KLHL1: variants seen among roughly 807,000 people sequenced by gnomAD.
KLHL1 encodes the protein kelch-like protein 1.
A neutral mutation model predicts 77.7 loss-of-function variants in KLHL1; 47 were observed. The observed-to-expected ratio is 0.60, with a 90% confidence interval of 0.48 to 0.77. The LOEUF is 0.77. Ranked by LOEUF, KLHL1 falls within the 30% of genes least tolerant of loss-of-function variation. The pLI is 0.00. For synonymous variants in KLHL1, 360 were observed against 325.2 expected, an observed-to-expected ratio of 1.11 and a Z score of -1.15; for missense variants, 925 against 910.8, an observed-to-expected ratio of 1.02 and a Z score of -0.20.
intron 1 of KLHL1, among the ~76,000 whole-genome samples, chr13:70,069,763 T>A (rs1887096704): frequency 6.6e-6 from 1 of 152,128 alleles, no homozygotes; most frequent in Non-Finnish European, 1.5e-5. Context: ...GTCGATTTAA[T>A]CTTCCAGACT....
chr13:69,765,871 C>T (rs1017736633), intron 7 of KLHL1, among the ~76,000 whole-genome samples: 3 of 152,176 alleles, frequency 2.0e-5, no homozygotes, highest in Non-Finnish European at 4.4e-5. Context: ...GGTTTTGCTC[C>T]ACAGAGGCTC....
chr13:69,794,552 GGAGA>G (rs1877018759), intron 7 of KLHL1, among the ~76,000 whole-genome samples: 2 of 146,038 alleles, frequency 1.4e-5, no homozygotes, highest in South Asian at 2.3e-4. Flanking sequence ...CAGAGAAAGA[GGAGA>G]GAGAGATTAA....
intron 5 of KLHL1, among the ~76,000 whole-genome samples, chr13:69,858,965 T>C (rs1479169945): frequency 6.6e-6 from 1 of 152,122 alleles, no homozygotes; most frequent in Non-Finnish European, 1.5e-5. Flanking sequence ...TCTATATCTA[T>C]CTTGATTCAC....
intron 4 of KLHL1, among the ~76,000 whole-genome samples, chr13:69,905,604 A>T (rs879793552): frequency 1.3e-5 from 2 of 152,066 alleles, no homozygotes; most frequent in Non-Finnish European, 2.9e-5. Flanking sequence ...ACTGCATAAG[A>T]TTTGATATGG....
intron 8 of KLHL1, among the ~76,000 whole-genome samples, chr13:69,725,245 ATT>A (rs1873244037): frequency 6.6e-6 from 1 of 152,206 alleles, no homozygotes; most frequent in Non-Finnish European, 1.5e-5. Flanking sequence ...ACCAGTAATT[ATT>A]GTTTGGAAAA....
At chr13:70,051,108 T>C (rs924663421) in intron 1 of KLHL1, among the ~76,000 whole-genome samples, 11 of 151,948 alleles carry the variant, frequency 7.2e-5, no homozygotes, top group African/African-American at 2.4e-4. Flanking sequence ...AAAATAGACG[T>C]GTGGGGTGCA....
Position 69,887,234 on chromosome 13 carries a change from A to T in KLHL1, c.1015-4739T>A, listed in dbSNP as rs1881253883. On this transcript the variant is annotated intron_variant, in intron 4 of 10. Coordinates refer to ENST00000377844, the MANE Select transcript of KLHL1 (RefSeq NM_020866.3). ...AGAAAAATTAATCTTTTGACTTCTG[A>T]GACAATGTTTTTCCTGTTATGTTAT... Among the ~76,000 whole-genome samples the T allele has an allele frequency of 1.3e-5, 2 of 152,140 alleles. 1 individual carries two copies. The highest frequency in any genetic ancestry group is 4.1e-4 in the South Asian group (2 of 4,826).
intron 1 of KLHL1, among the ~76,000 whole-genome samples, chr13:70,084,522 G>GATCTC (rs1194650300): frequency 2.3e-5 from 3 of 128,104 alleles, no homozygotes; most frequent in Non-Finnish European, 4.7e-5. Flanking sequence ...GCAGTGGCGT[G>GATCTC]ATCTCTGCTC....
intron 6 of KLHL1, among the ~76,000 whole-genome samples, chr13:69,827,400 T>G (rs1212898860): frequency 6.6e-6 from 1 of 151,916 alleles, no homozygotes; most frequent in African/African-American, 2.4e-5. Context: ...TAAGAATTAA[T>G]GTATGTCAAG....
At chr13:70,051,086 C>G (rs2472269) in intron 1 of KLHL1, among the ~76,000 whole-genome samples, 140,449 of 152,026 alleles carry the variant, frequency 0.92, 65,694 homozygotes, top group East Asian at 1. Flanking sequence ...GTCTAAATCA[C>G]GGATTTCTAC....
chr13:69,986,307 G>A (rs73514719), intron 1 of KLHL1, among the ~76,000 whole-genome samples: 23,608 of 151,928 alleles, frequency 0.16, 3,897 homozygotes, highest in African/African-American at 0.42. Flanking sequence ...TACATATTTC[G>A]AAATAGCAAG....
chr13:69,989,197 C>T (rs1566477127), intron 1 of KLHL1, among the ~76,000 whole-genome samples: 1 of 152,054 alleles, frequency 6.6e-6, no homozygotes, highest in South Asian at 2.1e-4. Context: ...GTTATTCCAG[C>T]ACCATTTATT....
chr13:69,801,445 T>C (rs17085403), intron 6 of KLHL1, among the ~76,000 whole-genome samples: 3,030 of 152,324 alleles, frequency 0.02, 88 homozygotes, highest in African/African-American at 0.068. Context: ...CATTGTTTTT[T>C]CTCTTAAACT....
intron 8 of KLHL1, among the ~76,000 whole-genome samples, chr13:69,731,065 T>C (rs569703488): frequency 1.3e-5 from 2 of 152,088 alleles, no homozygotes; most frequent in South Asian, 4.1e-4. Flanking sequence ...AAAATGTGAA[T>C]ATAAATAGAA....
intron 4 of KLHL1, among the ~76,000 whole-genome samples, chr13:69,891,448 T>C (rs1881423050): frequency 6.6e-6 from 1 of 152,112 alleles, no homozygotes. Context: ...CCCTTAAGTA[T>C]ATGTGATTCT....
intron 7 of KLHL1, among the ~76,000 whole-genome samples, chr13:69,791,862 T>C (rs115465139): frequency 0.015 from 2,256 of 152,238 alleles, 55 homozygotes; most frequent in African/African-American, 0.05. Context: ...TTCATGAACA[T>C]AGATTAGAAA....
chr13:69,889,898 CCCTTCCCTTCAG>C (rs1164660011), intron 4 of KLHL1, among the ~76,000 whole-genome samples: 1 of 152,084 alleles, frequency 6.6e-6, no homozygotes, highest in Non-Finnish European at 1.5e-5. Context: ...TCTGACCCTA[CCCTTCCCTTCAG>C]CCTCCTCTTG....
intron 4 of KLHL1, among the ~76,000 whole-genome samples, chr13:69,933,355 T>G (rs1883068372): frequency 6.6e-6 from 1 of 152,132 alleles, no homozygotes; most frequent in Non-Finnish European, 1.5e-5. Flanking sequence ...GTATGACTTA[T>G]AAAACAAGAA....
chr13:69,929,518 A>T (rs1331707697), intron 4 of KLHL1, among the ~76,000 whole-genome samples: 1 of 151,868 alleles, frequency 6.6e-6, no homozygotes, highest in Non-Finnish European at 1.5e-5. Flanking sequence ...AGTTTAGTCT[A>T]TGTGTACCTA....
Sources: allele counts gnomAD v4.1 joint callset (sites outside exome capture counted in the v4.1 genomes callset), GRCh38; gene constraint gnomAD v4.1.1; transcripts MANE v1.5; gene names NCBI Gene and HGNC (gene_info 2026-07-23, HGNC 2026-07-21).